The following LEPR variants were observed in gnomAD, a reference collection of about 807,000 sequenced individuals.
The protein encoded by LEPR is OB receptor.
Under a neutral mutation model 114.7 loss-of-function variants are expected in LEPR, and 56 were observed. The ratio of observed to expected loss-of-function variants is 0.49; its 90% CI spans 0.39 to 0.61. LEPR has a LOEUF of 0.61. Among genes scored for constraint, LEPR ranks in the 20% least tolerant of loss-of-function variants. The pLI is 0.00. For synonymous variants in LEPR, 443 were observed against 461.4 expected, an observed-to-expected ratio of 0.96 and a Z score of 0.51; for missense variants, 1,202 against 1,352.9, an observed-to-expected ratio of 0.89 and a Z score of 1.75.
chr1:65,488,228 CTTTCTT>C (rs760561804), intron 2 of LEPR, among the ~76,000 whole-genome samples: 2,921 of 57,204 alleles, frequency 0.051, 149 homozygotes, highest in Non-Finnish European at 0.066. Context: ...CTCTCTCTCT[CTTTCTT>C]TCTTTCTTTC....
intron 2 of LEPR, among the ~76,000 whole-genome samples, chr1:65,446,489 A>T (rs1646716339): frequency 6.6e-6 from 1 of 152,216 alleles, no homozygotes; most frequent in Admixed American, 6.5e-5. Context: ...CAGCTTCTTT[A>T]CTGCAACCTG....
Position 65,640,770 on chromosome 1 carries a change from T to TG in LEPR, c.*3755_*3756insG, listed in dbSNP as rs1658837528. The stretch of plus-strand genomic sequence containing the variant: ...TAGGAGATGATTTCCATGGCTTTTT[T>TG]TTTTTTTTTTTTAGGAAGTCTTGCT... On this transcript the variant is annotated 3_prime_UTR_variant, in exon 20 of 20. Transcript: ENST00000349533. 6.6e-6 allele frequency: 1 copy of TG among 150,422 alleles called. No individual in the cohort carries two copies. The highest frequency in any genetic ancestry group is 1.5e-5 in the Non-Finnish European group (1 of 67,788). 9.3% of individuals were successfully genotyped at this position (150,422 alleles called of 1,614,324 possible).
intron 7 of LEPR, among the ~76,000 whole-genome samples, chr1:65,596,849 CT>C (rs566624878): frequency 1.3e-5 from 2 of 151,768 alleles, no homozygotes; most frequent in East Asian, 1.9e-4. Context: ...CTGATTTCAT[CT>C]TTTTTTTAAT....
Position 65,616,202 on chromosome 1 carries a change from C to A in LEPR, c.2190C>A (p.Thr730=). ...IGASVANFNL[T]FSWPMSKVNI... Reference sequence around the variant, plus strand: ...CTTCTGTTGCAAATTTTAATTTAACCTTTTCATGGCCTATGAGCAAAGGTA... The same window carrying A: ...CTTCTGTTGCAAATTTTAATTTAACATTTTCATGGCCTATGAGCAAAGGTA... The change falls in exon 15 of 20, where the codon ACC becomes ACA. Residue 730 remains threonine, a synonymous_variant. Coordinates refer to ENST00000349533, the MANE Select transcript of LEPR (RefSeq NM_002303.6). 1 of 1,613,962 alleles carries A rather than the reference C, an allele frequency of 6.2e-7. No homozygotes were observed. Among genetic ancestry groups the A allele is most frequent in the East Asian group, 2.2e-5 (1 of 44,862 alleles).
intron 2 of LEPR, among the ~76,000 whole-genome samples, chr1:65,541,356 T>A (rs547898673): frequency 6.6e-6 from 1 of 152,346 alleles, no homozygotes; most frequent in East Asian, 1.9e-4. Context: ...GACTCAACTT[T>A]GTTGACTTTA....
intron 2 of LEPR, among the ~76,000 whole-genome samples, chr1:65,430,712 G>A (rs1646468987): frequency 6.6e-6 from 1 of 151,624 alleles, no homozygotes; most frequent in African/African-American, 2.4e-5. Context: ...AAATATCTTT[G>A]CAACAACTGC....
intron 2 of LEPR, among the ~76,000 whole-genome samples, chr1:65,458,153 A>C (rs1646900897): frequency 6.6e-6 from 1 of 152,252 alleles, no homozygotes; most frequent in South Asian, 2.1e-4. Flanking sequence ...CTTAATTCAT[A>C]CTGAGGGACA....
chr1:65,617,256 T>C lies in LEPR; in HGVS notation c.2213-708T>C, dbSNP rs144153496. Among the ~76,000 whole-genome samples, 16 of 152,166 alleles carry C rather than the reference T, an allele frequency of 1.1e-4. No homozygotes were observed. The East Asian group carries it at 2.9e-3, about 28-fold the overall frequency. ...GAGATAAGGGCCTGCAGGAAAGGAATATAATTTTATGAAAGGAATGAAAAA... is the reference window on the plus strand; with the variant it reads ...GAGATAAGGGCCTGCAGGAAAGGAACATAATTTTATGAAAGGAATGAAAAA... On this transcript the variant is annotated intron_variant, in intron 15 of 19. Coordinates refer to ENST00000349533, the MANE Select transcript of LEPR (RefSeq NM_002303.6).
chr1:65,454,766 G>A (rs1646843577), intron 2 of LEPR, among the ~76,000 whole-genome samples: 1 of 152,054 alleles, frequency 6.6e-6, no homozygotes, highest in African/African-American at 2.4e-5. Flanking sequence ...GTGTCTTGGA[G>A]TTGCTCTTCT....
intron 2 of LEPR, among the ~76,000 whole-genome samples, chr1:65,502,335 T>A (rs1648495027): frequency 6.6e-6 from 1 of 151,620 alleles, no homozygotes; most frequent in Non-Finnish European, 1.5e-5. Flanking sequence ...AGGAGAGAGG[T>A]TTTAGGAGAA....
chr1:65,453,265 G>A (rs1429544561), intron 2 of LEPR, among the ~76,000 whole-genome samples: 1 of 151,682 alleles, frequency 6.6e-6, no homozygotes, highest in African/African-American at 2.4e-5. Flanking sequence ...AGGGTTTTTT[G>A]TGTCTCTATT....
chr1:65,574,405 A>AT (rs1557672264), intron 5 of LEPR, among the ~76,000 whole-genome samples: 2 of 85,882 alleles, frequency 2.3e-5, no homozygotes, highest in African/African-American at 3.5e-5. Context: ...AATAATAATA[A>AT]AAAAAATTTA....
chr1:65,482,373 T>C (rs2100456278), intron 2 of LEPR, among the ~76,000 whole-genome samples: 1 of 152,248 alleles, frequency 6.6e-6, no homozygotes, highest in Middle Eastern at 3.4e-3. Context: ...TGACAAAGCT[T>C]GAAAGCTGGT....
intron 2 of LEPR, among the ~76,000 whole-genome samples, chr1:65,487,020 C>G (rs1315229498): frequency 6.6e-6 from 1 of 152,114 alleles, no homozygotes; most frequent in African/African-American, 2.4e-5. Flanking sequence ...ACAGTTTATT[C>G]AATCTAATAT....
At chr1:65,596,388 T>G (rs557150222) in intron 6 of LEPR, 60 bp from the exon 7 acceptor site, 1 of 1,590,544 alleles carries the variant, frequency 6.3e-7, no homozygotes, top group East Asian at 2.2e-5. Context: ...TTTATTTTAT[T>G]CAGCTATAAT....
chr1:65,629,873 A>G (rs1445074113), intron 19 of LEPR, among the ~76,000 whole-genome samples: 5 of 152,112 alleles, frequency 3.3e-5, no homozygotes, highest in African/African-American at 4.8e-5. Context: ...TAAAATTACT[A>G]TAAGCCATCA....
At chr1:65,520,923 C>A (rs1649601973) in intron 2 of LEPR, among the ~76,000 whole-genome samples, 1 of 152,202 alleles carries the variant, frequency 6.6e-6, no homozygotes, top group African/African-American at 2.4e-5. Context: ...GTTTTTGGCC[C>A]TGGGTGGGCC....
intron 2 of LEPR, among the ~76,000 whole-genome samples, chr1:65,540,839 C>G (rs1358537210): frequency 1.3e-5 from 2 of 151,882 alleles, no homozygotes; most frequent in African/African-American, 4.8e-5. Context: ...TTCAGTTTAC[C>G]ATTTTTTTTT....
chr1:65,526,309 G>A lies in LEPR; in HGVS notation c.-20-39237G>A, dbSNP rs983301747. ...TTCCCACCTCCCCCCTTCCCTGCAA[G>A]CAAATTAAACAACAACAGTAGCAGC... On this transcript the variant is annotated intron_variant, in intron 2 of 19. Transcript: ENST00000349533. 2.4e-5 allele frequency: 24 copies of A among 985,354 alleles called. No individual in the cohort carries two copies. The African/African-American group carries it at 3.1e-4, about 13-fold the overall frequency. The allele number at this position is 985,354 out of a possible 1,614,324, so 61.0% of individuals were successfully genotyped here. A position where few individuals can be genotyped will look rare whatever the true frequency, so the allele number is the denominator to read the frequency against.
Sources: gnomAD v4.1 joint callset for allele counts (sites outside exome capture counted in the v4.1 genomes callset) on GRCh38, gnomAD v4.1.1 for gene constraint, MANE v1.5 for transcripts, NCBI Gene and HGNC (gene_info 2026-07-23, HGNC 2026-07-21) for gene names.